The following PPM1L variants were observed in gnomAD, a reference collection of about 807,000 sequenced individuals.
The protein encoded by PPM1L is protein phosphatase 1L.
A neutral mutation model predicts 31.4 loss-of-function variants in PPM1L; 13 were observed. The ratio of observed to expected loss-of-function variants is 0.41; its 90% CI spans 0.27 to 0.66. The LOEUF (loss-of-function observed/expected upper bound fraction) is 0.66. Among genes scored for constraint, PPM1L ranks in the 30% least tolerant of loss-of-function variants. PPM1L has a pLI of 0.29. For missense variants in PPM1L, 326 were observed against 453.7 expected (o/e 0.72, Z 2.56); for synonymous variants, 184 against 175.4 (o/e 1.05, Z -0.39).
intron 2 of PPM1L, among the ~76,000 whole-genome samples, chr3:160,984,836 T>TCTA (rs1469075570): frequency 3.9e-5 from 6 of 152,170 alleles, no homozygotes; most frequent in African/African-American, 1.4e-4. Flanking sequence ...AGAGGCGATA[T>TCTA]CTACCTCCAC....
At chr3:160,872,440 G>T (rs1255185705) in intron 1 of PPM1L, among the ~76,000 whole-genome samples, 1 of 152,086 alleles carries the variant, frequency 6.6e-6, no homozygotes, top group Non-Finnish European at 1.5e-5. Context: ...AGGAACTGGG[G>T]ATATAGCAGT....
intron 1 of PPM1L, among the ~76,000 whole-genome samples, chr3:160,834,125 G>A (rs572765672): frequency 2.1e-4 from 32 of 150,118 alleles, no homozygotes; most frequent in African/African-American, 5.6e-4. Context: ...CTGGGTTCAC[G>A]CCATTCTCCT....
At chr3:161,020,902 G>A (rs1050607332) in intron 2 of PPM1L, among the ~76,000 whole-genome samples, 5 of 151,868 alleles carry the variant, frequency 3.3e-5, no homozygotes, top group African/African-American at 1.2e-4. Flanking sequence ...TATAAAGTTG[G>A]TAATGATGTC....
chr3:160,840,721 A>G (rs936151428), intron 1 of PPM1L, among the ~76,000 whole-genome samples: 1 of 139,404 alleles, frequency 7.2e-6, no homozygotes, highest in Non-Finnish European at 1.5e-5. Flanking sequence ...TCTCCAGGGG[A>G]GAGAGAGAGA....
At chr3:160,758,240 T>C (rs1371795335) in intron 1 of PPM1L, among the ~76,000 whole-genome samples, 2 of 152,186 alleles carry the variant, frequency 1.3e-5, no homozygotes, top group Non-Finnish European at 2.9e-5. Context: ...GAAAAAAGGC[T>C]GTGTACATGG....
chr3:160,785,942 T>G (rs1711901535), intron 1 of PPM1L, among the ~76,000 whole-genome samples: 1 of 150,726 alleles, frequency 6.6e-6, no homozygotes, highest in African/African-American at 2.4e-5. Context: ...TATTGCCAAA[T>G]TCCATTTGAT....
At chr3:160,907,394 C>A (rs1372827788) in intron 1 of PPM1L, among the ~76,000 whole-genome samples, 1 of 152,174 alleles carries the variant, frequency 6.6e-6, no homozygotes, top group East Asian at 1.9e-4. Flanking sequence ...TAAAACAAAT[C>A]ACATCCAAAA....
chr3:160,934,774 G>A (rs1576724218), intron 1 of PPM1L, among the ~76,000 whole-genome samples: 2 of 152,100 alleles, frequency 1.3e-5, no homozygotes, highest in South Asian at 4.1e-4. Flanking sequence ...GCAATGTGGT[G>A]AAACCCTGTC....
At chr3:160,839,889 G>A (rs1310165324) in intron 1 of PPM1L, among the ~76,000 whole-genome samples, 1 of 152,100 alleles carries the variant, frequency 6.6e-6, no homozygotes, top group Non-Finnish European at 1.5e-5. Flanking sequence ...TTCCCTAGGT[G>A]ACATAAAAAA....
At chr3:160,823,418 G>C (rs1576655297) in intron 1 of PPM1L, among the ~76,000 whole-genome samples, 1 of 137,002 alleles carries the variant, frequency 7.3e-6, no homozygotes, top group Non-Finnish European at 1.6e-5. Flanking sequence ...TCGCCATGTT[G>C]GCCAGGCTGG....
chr3:160,980,198 C>T (rs1716748238), intron 2 of PPM1L, among the ~76,000 whole-genome samples: 1 of 152,080 alleles, frequency 6.6e-6, no homozygotes, highest in African/African-American at 2.4e-5. Flanking sequence ...GCTTGATCTT[C>T]TTGTGTCTGA....
rs1259088910 is a variant in PPM1L, at chr3:160,756,268, GCGCGCGT to G, written c.-37_-31del. 1 of 1,567,562 alleles carries G rather than the reference GCGCGCGT, an allele frequency of 6.4e-7. No homozygotes were observed. ...CTCCCGGACCCGGCGAGCCTTCGGG[GCGCGCGT>G]CGCTGGTGGTGGTTGAGGCTCTAGC... On this transcript the variant is annotated 5_prime_UTR_variant, in exon 1 of 4. Transcript: ENST00000498165. The surrounding 1 kb of genome is among the most constrained non-coding windows in gnomAD (Gnocchi z 6.2).
chr3:160,994,376 C>T (rs1476566077), intron 2 of PPM1L, among the ~76,000 whole-genome samples: 1 of 152,166 alleles, frequency 6.6e-6, no homozygotes, highest in Non-Finnish European at 1.5e-5. Flanking sequence ...TTGCAAAAGG[C>T]ATGCAGTTTA....
intron 1 of PPM1L, among the ~76,000 whole-genome samples, chr3:160,818,264 A>G (rs1235726640): frequency 2.0e-5 from 3 of 152,148 alleles, no homozygotes; most frequent in East Asian, 3.9e-4. Flanking sequence ...GAGAAAGGTT[A>G]GTGGTGAAGT....
Position 160,762,228 on chromosome 3 carries a change from A to T in PPM1L, c.399+5521A>T, listed in dbSNP as rs574112297. Among the ~76,000 whole-genome samples the T allele has an allele frequency of 4.8e-3, 727 of 152,322 alleles. 11 individuals carry two copies. The highest frequency in any genetic ancestry group is 0.016 in the African/African-American group (685 of 41,580). On this transcript the variant is annotated intron_variant, in intron 1 of 3. Coordinates refer to ENST00000498165, the MANE Select transcript of PPM1L (RefSeq NM_139245.4). ...TGTATAAGAGGCCTAGGGATTTAGT[A>T]TGGACAAATGCCTTATGGTTTAAGA...
intron 2 of PPM1L, among the ~76,000 whole-genome samples, chr3:161,041,929 T>C (rs1172452807): frequency 3.9e-5 from 6 of 152,226 alleles, no homozygotes; most frequent in Non-Finnish European, 1.5e-5. Flanking sequence ...CTAGTCATCA[T>C]CATTGTTAAA....
intron 1 of PPM1L, among the ~76,000 whole-genome samples, chr3:160,846,469 TACTTCA>T (rs1714078869): frequency 6.6e-6 from 1 of 152,182 alleles, no homozygotes; most frequent in Non-Finnish European, 1.5e-5. Context: ...TCATGCTTTA[TACTTCA>T]TTGTGTGCCT....
Position 161,077,356 on chromosome 3 carries a change from G to T in PPM1L, c.*8199G>T, listed in dbSNP as rs1260384082. The T allele has an allele frequency of 6.6e-6, 1 of 152,264 alleles. No homozygotes were observed. The highest frequency in any genetic ancestry group is 1.5e-5 in the Non-Finnish European group (1 of 68,090). The allele number at this position is 152,264 out of a possible 1,614,324, so 9.4% of individuals were successfully genotyped here. On this transcript the variant is annotated 3_prime_UTR_variant, in exon 4 of 4. Transcript: ENST00000498165. Reference sequence around the variant, plus strand: ...TGGAGCCTCTGGGGACAAGGATAGGGGGGTGGGACTGTCCCAGTGGAGGGT... The same window carrying T: ...TGGAGCCTCTGGGGACAAGGATAGGTGGGTGGGACTGTCCCAGTGGAGGGT...
intron 1 of PPM1L, chr3:160,870,599 G>A (rs922197887): frequency 6.6e-6 from 1 of 152,082 alleles, no homozygotes; most frequent in African/African-American, 2.4e-5. Flanking sequence ...GACAGTTCCC[G>A]GCAATTCATG....
Sources: gnomAD v4.1 joint callset for allele counts (sites outside exome capture counted in the v4.1 genomes callset) on GRCh38, gnomAD v4.1.1 for gene constraint, Gnocchi (gnomAD v3.1) non-coding constraint, MANE v1.5 for transcripts, NCBI Gene and HGNC (gene_info 2026-07-23, HGNC 2026-07-21) for gene names.